Variants in CNBD1 observed in about 807,000 individuals in gnomAD.
CNBD1 encodes the protein cyclic nucleotide-binding domain-containing protein 1.
A neutral mutation model predicts 54.4 loss-of-function variants in CNBD1; 71 were observed. The ratio of observed to expected loss-of-function variants is 1.30; its 90% CI spans 1.08 to 1.59. The LOEUF is 1.59. CNBD1 is among the 40% of genes most tolerant of loss of function. The pLI, the probability that CNBD1 is intolerant of heterozygous loss-of-function variation, is 0.00. For synonymous variants in CNBD1, 182 were observed against 170.7 expected (o/e 1.07, Z -0.51); for missense variants, 659 against 518.0 (o/e 1.27, Z -2.64).
chr8:87,021,481 T>A (rs1809487836), intron 4 of CNBD1, among the ~76,000 whole-genome samples: 1 of 152,382 alleles, frequency 6.6e-6, no homozygotes, highest in South Asian at 2.1e-4. Flanking sequence ...TTTGAACTAC[T>A]GACATACATT....
intron 6 of CNBD1, among the ~76,000 whole-genome samples, chr8:87,250,821 G>A (rs2130838938): frequency 6.6e-6 from 1 of 152,310 alleles, no homozygotes; most frequent in South Asian, 2.1e-4. Context: ...GTCAGAGGCA[G>A]AGAAAGATAG....
intron 4 of CNBD1, among the ~76,000 whole-genome samples, chr8:87,027,456 G>C (rs933808716): frequency 5.9e-5 from 9 of 152,078 alleles, no homozygotes; most frequent in Admixed American, 3.9e-4. Context: ...ATTTTTAGTA[G>C]AGATGGGGTT....
intron 5 of CNBD1, among the ~76,000 whole-genome samples, chr8:87,222,521 C>T (rs75646332): frequency 0.015 from 2,212 of 152,122 alleles, 67 homozygotes; most frequent in African/African-American, 0.051. Context: ...AAAGGCTTCC[C>T]TGGTAGATAG....
At chr8:87,317,626 A>G (rs1396509487) in intron 8 of CNBD1, among the ~76,000 whole-genome samples, 2 of 151,780 alleles carry the variant, frequency 1.3e-5, no homozygotes, top group African/African-American at 4.8e-5. Context: ...TATTATTTGA[A>G]TTGCCTTAAG....
At chr8:87,093,482 A>C (rs780797072) in intron 4 of CNBD1, among the ~76,000 whole-genome samples, 1 of 152,062 alleles carries the variant, frequency 6.6e-6, no homozygotes, top group South Asian at 2.1e-4. Context: ...CTTTCTTTTC[A>C]CTTGAGGCCT....
At chr8:87,050,233 G>A (rs765484626) in intron 4 of CNBD1, among the ~76,000 whole-genome samples, 5 of 152,190 alleles carry the variant, frequency 3.3e-5, no homozygotes, top group African/African-American at 1.2e-4. Flanking sequence ...TTGAGGATTT[G>A]GGAAAGGGGA....
intron 4 of CNBD1, among the ~76,000 whole-genome samples, chr8:86,949,702 C>A (rs1444523725): frequency 1.3e-5 from 2 of 151,538 alleles, no homozygotes; most frequent in Admixed American, 6.6e-5. Flanking sequence ...GGTTAGATGC[C>A]CTTTATTTTT....
At chr8:87,264,944 G>T (rs1446807222) in intron 6 of CNBD1, among the ~76,000 whole-genome samples, 2 of 151,968 alleles carry the variant, frequency 1.3e-5, no homozygotes, top group East Asian at 1.9e-4. Context: ...CTCCCATTTT[G>T]TAGGTTGCCT....
At chr8:86,926,548 C>T (rs1443777515) in intron 3 of CNBD1, among the ~76,000 whole-genome samples, 1 of 152,162 alleles carries the variant, frequency 6.6e-6, no homozygotes, top group African/African-American at 2.4e-5. Flanking sequence ...TCACCCAACT[C>T]CAGAGGTTGG....
At chr8:87,273,622 C>A (rs1585974515) in intron 6 of CNBD1, among the ~76,000 whole-genome samples, 1 of 152,058 alleles carries the variant, frequency 6.6e-6, no homozygotes, top group East Asian at 1.9e-4. Context: ...ATCCCAGTAA[C>A]TTGTTTTCTC....
At chr8:87,051,601 A>G (rs890412071) in intron 4 of CNBD1, among the ~76,000 whole-genome samples, 2 of 152,242 alleles carry the variant, frequency 1.3e-5, no homozygotes, top group African/African-American at 2.4e-5. Context: ...CTTATGGGAA[A>G]CAAAGGGATG....
intron 2 of CNBD1, among the ~76,000 whole-genome samples, chr8:87,425,270 C>T (rs1322525851): frequency 5.9e-5 from 9 of 152,080 alleles, no homozygotes; most frequent in Non-Finnish European, 2.9e-5. Context: ...GTTTGAATGT[C>T]CTCCCGTAGC....
chr8:87,380,949 A>G (rs1253520118), intron 10 of CNBD1, among the ~76,000 whole-genome samples: 2 of 152,060 alleles, frequency 1.3e-5, no homozygotes, highest in Non-Finnish European at 2.9e-5. Context: ...TCTTAGAAGA[A>G]TACGTAGTTA....
chr8:87,321,434 G>C (rs1339969248), intron 8 of CNBD1, among the ~76,000 whole-genome samples: 1 of 152,124 alleles, frequency 6.6e-6, no homozygotes, highest in Non-Finnish European at 1.5e-5. Context: ...ATTTGTGTTT[G>C]TGTAATAATT....
intron 10 of CNBD1, among the ~76,000 whole-genome samples, chr8:87,373,288 A>G (rs1015630541): frequency 3.3e-5 from 5 of 151,824 alleles, no homozygotes; most frequent in African/African-American, 1.2e-4. Context: ...ATATAGCGGT[A>G]TTAGTTTAAT....
At chr8:87,091,983 T>A (rs542083269) in intron 4 of CNBD1, among the ~76,000 whole-genome samples, 1 of 152,324 alleles carries the variant, frequency 6.6e-6, no homozygotes, top group Non-Finnish European at 1.5e-5. Flanking sequence ...AAATACTATA[T>A]TGTTATTATG....
intron 4 of CNBD1, among the ~76,000 whole-genome samples, chr8:87,039,465 G>A (rs1033053667): frequency 6.6e-6 from 1 of 151,980 alleles, no homozygotes; most frequent in Non-Finnish European, 1.5e-5. Flanking sequence ...TTTTTTGGGG[G>A]GGTTGGATTT....
chr8:86,938,970 C>T (rs143750112), intron 3 of CNBD1, among the ~76,000 whole-genome samples: 3 of 152,180 alleles, frequency 2.0e-5, no homozygotes, highest in Non-Finnish European at 4.4e-5. Context: ...CTGCAACCTG[C>T]CTTACTATTT....
chr8:86,959,305 G>A (rs1304166081), intron 4 of CNBD1, among the ~76,000 whole-genome samples: 2 of 152,016 alleles, frequency 1.3e-5, no homozygotes, highest in East Asian at 3.9e-4. Flanking sequence ...TTCAATTTTG[G>A]TGAATCTGAC....
Sources: gnomAD v4.1 joint callset for allele counts (sites outside exome capture counted in the v4.1 genomes callset) on GRCh38, gnomAD v4.1.1 for gene constraint, MANE v1.5 for transcripts, NCBI Gene and HGNC (gene_info 2026-07-23, HGNC 2026-07-21) for gene names.